Variants in FMNL2 observed in about 807,000 individuals in gnomAD.
The protein encoded by FMNL2 is formin-like protein 2.
Under a neutral mutation model 130.2 loss-of-function variants are expected in FMNL2, and 51 were observed. The ratio of observed to expected loss-of-function variants is 0.39; its 90% confidence interval spans 0.31 to 0.49. The LOEUF is 0.49. Among genes scored for constraint, FMNL2 ranks in the 20% least tolerant of loss-of-function variants. The pLI is 0.85. For missense variants in FMNL2, 977 were observed against 1,316.2 expected, an observed-to-expected ratio of 0.74 and a Z score of 3.99; for synonymous variants, 465 against 467.1, an observed-to-expected ratio of 1.00 and a Z score of 0.06.
At chr2:152,380,800 A>G (rs1684419422) in intron 1 of FMNL2, among the ~76,000 whole-genome samples, 1 of 152,214 alleles carries the variant, frequency 6.6e-6, no homozygotes, top group African/African-American at 2.4e-5. Context: ...CTGTTGGGCT[A>G]GAGCTGCATT....
chr2:152,605,418 A>C (rs1698314023), intron 9 of FMNL2, among the ~76,000 whole-genome samples: 1 of 152,060 alleles, frequency 6.6e-6, no homozygotes, highest in Admixed American at 6.6e-5. Flanking sequence ...TCATGGACTC[A>C]AAGTATCCTC....
At chr2:152,509,259 G>A (rs1692350126) in intron 1 of FMNL2, among the ~76,000 whole-genome samples, 1 of 152,006 alleles carries the variant, frequency 6.6e-6, no homozygotes, top group South Asian at 2.1e-4. Context: ...AGGTATCTAA[G>A]GGTACCTGTT....
At chr2:152,449,462 A>G (rs1386552395) in intron 1 of FMNL2, among the ~76,000 whole-genome samples, 2 of 152,154 alleles carry the variant, frequency 1.3e-5, no homozygotes, top group East Asian at 1.9e-4. Context: ...AATAGTCTGT[A>G]GTTTTATGGC....
intron 1 of FMNL2, among the ~76,000 whole-genome samples, chr2:152,422,516 A>AT (rs1332624498): frequency 1.4e-4 from 21 of 152,054 alleles, no homozygotes; most frequent in Admixed American, 1.3e-4. Flanking sequence ...GACCGAAATG[A>AT]TTTTTTTGTG....
At chr2:152,438,560 T>A (rs896200263) in intron 1 of FMNL2, among the ~76,000 whole-genome samples, 1 of 152,154 alleles carries the variant, frequency 6.6e-6, no homozygotes, top group Non-Finnish European at 1.5e-5. Flanking sequence ...TTGAGACATA[T>A]GACTTTTAAT....
At chr2:152,519,556 G>A (rs1401602174) in intron 1 of FMNL2, among the ~76,000 whole-genome samples, 1 of 152,170 alleles carries the variant, frequency 6.6e-6, no homozygotes, top group African/African-American at 2.4e-5. Flanking sequence ...ATAAGCTATT[G>A]CCGTTTTGCT....
intron 1 of FMNL2, among the ~76,000 whole-genome samples, chr2:152,437,269 T>C (rs1369841397): frequency 2.6e-5 from 4 of 152,184 alleles, no homozygotes; most frequent in Admixed American, 2.6e-4. Flanking sequence ...GCAGATGATA[T>C]GGATACTGTG....
intron 1 of FMNL2, among the ~76,000 whole-genome samples, chr2:152,469,285 T>A (rs1689727298): frequency 6.6e-6 from 1 of 152,210 alleles, no homozygotes; most frequent in African/African-American, 2.4e-5. Flanking sequence ...TGATATCATG[T>A]GTAACACCGA....
At chr2:152,498,317 G>A (rs530369755) in intron 1 of FMNL2, among the ~76,000 whole-genome samples, 2 of 152,228 alleles carry the variant, frequency 1.3e-5, no homozygotes, top group African/African-American at 4.8e-5. Context: ...TATTGTCTAT[G>A]CTTTTTCTCC....
At chr2:152,491,351 G>C (rs1691177435) in intron 1 of FMNL2, among the ~76,000 whole-genome samples, 1 of 152,114 alleles carries the variant, frequency 6.6e-6, no homozygotes, top group South Asian at 2.1e-4. Context: ...GAAGCTCTGG[G>C]GTTGCCGCCT....
At position 152,649,461 on chromosome 2, in the gene FMNL2, C is replaced by CAGAA. The variant is rs1363158179; in HGVS notation, c.*1560_*1563dup. 1 of 152,500 alleles carries CAGAA rather than the reference C, an allele frequency of 6.6e-6. No homozygotes were observed. Among genetic ancestry groups the CAGAA allele is most frequent in the Non-Finnish European group, 1.5e-5 (1 of 68,012 alleles). 9.4% of individuals were successfully genotyped at this position (152,500 alleles called of 1,614,324 possible). Reference sequence around the variant, plus strand: ...CATTTCACTTTAGTGTACCTATTTACAGAAAGATTAAACTGCCACCTGCGG... The same window carrying CAGAA: ...CATTTCACTTTAGTGTACCTATTTACAGAAAGAAAGATTAAACTGCCACCTGCGG... On this transcript the variant is annotated 3_prime_UTR_variant, in exon 26 of 26. Transcript: ENST00000288670.
chr2:152,464,626 T>G (rs1689426506), intron 1 of FMNL2, among the ~76,000 whole-genome samples: 1 of 152,208 alleles, frequency 6.6e-6, no homozygotes, highest in Non-Finnish European at 1.5e-5. Flanking sequence ...TAACCTTGGA[T>G]CTCAGTGTAG....
intron 1 of FMNL2, among the ~76,000 whole-genome samples, chr2:152,366,143 A>G (rs1683521781): frequency 6.6e-6 from 1 of 152,024 alleles, no homozygotes; most frequent in Admixed American, 6.5e-5. Context: ...GGTGCAGCCG[A>G]CAGATTGGGC....
intron 12 of FMNL2, among the ~76,000 whole-genome samples, 169 bp downstream of exon 12, chr2:152,615,169 A>T (rs1403209612): frequency 6.6e-6 from 1 of 152,092 alleles, no homozygotes; most frequent in Non-Finnish European, 1.5e-5. Context: ...CAAAAAGCAG[A>T]TGTGTTATGT....
chr2:152,618,737 C>A, intron 13 of FMNL2, 109 bp from the exon 14 acceptor site: 1 of 934,820 alleles, frequency 1.1e-6, no homozygotes. Context: ...CAAAGAATTC[C>A]CATTCATATG....
intron 1 of FMNL2, among the ~76,000 whole-genome samples, chr2:152,479,709 T>C (rs1690369107): frequency 7.2e-6 from 1 of 139,312 alleles, no homozygotes; most frequent in Admixed American, 8.3e-5. Context: ...TTCATGGATG[T>C]TGTGGGTTGT....
chr2:152,470,014 G>C (rs1689772282), intron 1 of FMNL2, among the ~76,000 whole-genome samples: 1 of 152,156 alleles, frequency 6.6e-6, no homozygotes, highest in Non-Finnish European at 1.5e-5. Context: ...AAAAATGAAT[G>C]TCTCCTTTAA....
intron 1 of FMNL2, among the ~76,000 whole-genome samples, chr2:152,446,242 C>T (rs1688328562): frequency 6.6e-6 from 1 of 152,074 alleles, no homozygotes; most frequent in East Asian, 1.9e-4. Flanking sequence ...AACCCAATGG[C>T]AAAATCATTT....
At chr2:152,580,219 A>G (rs1379414473) in intron 8 of FMNL2, among the ~76,000 whole-genome samples, 1 of 152,228 alleles carries the variant, frequency 6.6e-6, no homozygotes, top group East Asian at 1.9e-4. Flanking sequence ...TTATTCCAGA[A>G]AAAAAATGAA....
Sources: allele counts gnomAD v4.1 joint callset (sites outside exome capture counted in the v4.1 genomes callset), GRCh38; gene constraint gnomAD v4.1.1; transcripts MANE v1.5; gene names NCBI Gene and HGNC (gene_info 2026-07-23, HGNC 2026-07-21).